Variants in NEK11 observed in about 807,000 individuals in gnomAD.
NEK11 encodes the protein NIMA related kinase 11.
NEK11 carries 72 observed loss-of-function variants against 80.7 expected under a neutral mutation model. The ratio of observed to expected loss-of-function variants is 0.89; its 90% CI spans 0.74 to 1.08. The LOEUF (loss-of-function observed/expected upper bound fraction) is 1.08. NEK11 is among the 50% of genes least tolerant of loss of function. NEK11 has a pLI of 0.00. For missense variants in NEK11, 764 were observed against 763.6 expected (o/e 1.00, Z -0.01); for synonymous variants, 251 against 260.7 (o/e 0.96, Z 0.36).
At chr3:131,146,625 G>T (rs1053953364) in intron 7 of NEK11, among the ~76,000 whole-genome samples, 1 of 152,096 alleles carries the variant, frequency 6.6e-6, no homozygotes, top group African/African-American at 2.4e-5. Flanking sequence ...TCAACTTGAT[G>T]ATTATATATT....
At chr3:131,065,014 C>T (rs2071636376) in intron 3 of NEK11, among the ~76,000 whole-genome samples, 1 of 152,184 alleles carries the variant, frequency 6.6e-6, no homozygotes, top group Admixed American at 6.5e-5. Context: ...GGCACAAAGG[C>T]ATGAAAACCC....
At chr3:131,045,877 T>A (rs908157596) in intron 3 of NEK11, among the ~76,000 whole-genome samples, 2 of 152,216 alleles carry the variant, frequency 1.3e-5, no homozygotes, top group African/African-American at 4.8e-5. Flanking sequence ...TTGTCCTTTT[T>A]AACTGCTGTT....
chr3:131,273,545 G>A lies in NEK11; in HGVS notation c.1689G>A (p.Met563Ile), dbSNP rs368836431. Residue 563 changes from methionine (M) to isoleucine (I), a missense_variant, in exon 17 of 18, where the codon ATG (methionine) becomes ATA (isoleucine). Met to Ile is a conservative substitution (Grantham distance 10). Coordinates refer to ENST00000383366, the MANE Select transcript of NEK11 (RefSeq NM_024800.5). ...SPGPPIFNSV[M>I]ARTKMKRMRE... ...GACCACCAATTTTCAACAGTGTGAT[G>A]GCCAGGACCAAGATGAAACGCATGA... 100 of 1,613,800 alleles carry A rather than the reference G, an allele frequency of 6.2e-5. No homozygotes were observed. The highest frequency in any genetic ancestry group is 7.6e-5 in the Non-Finnish European group (90 of 1,179,872).
intron 3 of NEK11, among the ~76,000 whole-genome samples, chr3:131,046,447 A>G (rs1006719939): frequency 1.3e-5 from 2 of 152,126 alleles, no homozygotes; most frequent in Non-Finnish European, 2.9e-5. Flanking sequence ...AGTCCCTTCT[A>G]GTAGGGTGTC....
chr3:131,043,660 G>T (rs1238619002), intron 3 of NEK11, among the ~76,000 whole-genome samples: 1 of 152,198 alleles, frequency 6.6e-6, no homozygotes, highest in Non-Finnish European at 1.5e-5. Context: ...TAAGGGACGG[G>T]GAGAATGGAA....
intron 14 of NEK11, among the ~76,000 whole-genome samples, chr3:131,180,070 C>T (rs1423797653): frequency 6.6e-6 from 1 of 152,140 alleles, no homozygotes; most frequent in Non-Finnish European, 1.5e-5. Flanking sequence ...CTATTTTATA[C>T]CACCACCATC....
rs57412173 is a variant in NEK11 at position 131,044,422 on chromosome 3, CA to C, written c.170+14565del. 2.6e-3 allele frequency among the ~76,000 whole-genome samples: 100 copies of C among 37,752 alleles called. No homozygotes were observed. In the South Asian group the frequency reaches 0.039, roughly 15 times the overall value. The allele number at this position is 37,752 out of a possible 152,430, so 24.8% of individuals were successfully genotyped here. A position where few individuals can be genotyped will look rare whatever the true frequency, so the allele number is the denominator to read the frequency against. ...GACTATTTACCAAGCAAATGGAAAG[CA>C]AAAAAAAAAAAAAAAAAAAAGGTGG... On this transcript the variant is annotated intron_variant, in intron 3 of 17. Coordinates refer to ENST00000383366, the MANE Select transcript of NEK11 (RefSeq NM_024800.5).
chr3:131,140,858 TC>T (rs2086731179), intron 7 of NEK11, among the ~76,000 whole-genome samples: 1 of 152,106 alleles, frequency 6.6e-6, no homozygotes, highest in South Asian at 2.1e-4. Flanking sequence ...GACTTTGCCT[TC>T]TTTCTCCCAA....
chr3:131,043,801 A>C (rs577295968), intron 3 of NEK11, among the ~76,000 whole-genome samples: 1 of 152,326 alleles, frequency 6.6e-6, no homozygotes, highest in African/African-American at 2.4e-5. Flanking sequence ...CAACCCCAAG[A>C]CACATAATCG....
chr3:131,313,411 G>A (rs1206017630), intron 17 of NEK11, among the ~76,000 whole-genome samples: 1 of 152,112 alleles, frequency 6.6e-6, no homozygotes, highest in Non-Finnish European at 1.5e-5. Flanking sequence ...TTTCCACAAT[G>A]GTTAAACTAA....
chr3:131,031,800 G>C (rs1374324800), intron 3 of NEK11, among the ~76,000 whole-genome samples: 1 of 152,080 alleles, frequency 6.6e-6, no homozygotes, highest in Non-Finnish European at 1.5e-5. Context: ...CCAGTGGTGA[G>C]GATAACGGAC....
chr3:131,281,037 C>T (rs560997327), intron 17 of NEK11, among the ~76,000 whole-genome samples: 1 of 152,382 alleles, frequency 6.6e-6, no homozygotes, highest in South Asian at 2.1e-4. Flanking sequence ...TTCCCTCTCT[C>T]AGCTCAGTAA....
chr3:131,158,811 G>T (rs536483588), intron 10 of NEK11, among the ~76,000 whole-genome samples: 2 of 152,150 alleles, frequency 1.3e-5, no homozygotes, highest in African/African-American at 4.8e-5. Flanking sequence ...CACCACTGCC[G>T]CTGCTGGCAC....
intron 17 of NEK11, among the ~76,000 whole-genome samples, chr3:131,316,753 A>C (rs1204060249): frequency 1.3e-5 from 2 of 152,200 alleles, no homozygotes; most frequent in Admixed American, 6.5e-5. Context: ...TGTCTGGCTT[A>C]GATCAGAGAG....
At chr3:131,152,317 G>C in intron 7 of NEK11, 71 bp from the exon 8 acceptor site, 2 of 1,388,742 alleles carry the variant, frequency 1.4e-6, no homozygotes, top group Non-Finnish European at 2.0e-6. Context: ...ACACATCTGA[G>C]GTTTTGTATG....
intron 4 of NEK11, among the ~76,000 whole-genome samples, chr3:131,091,696 T>C (rs765602766): frequency 6.6e-6 from 1 of 152,222 alleles, no homozygotes; most frequent in Non-Finnish European, 1.5e-5. Flanking sequence ...CTGAAAGGAA[T>C]GCTATTTTAA....
intron 3 of NEK11, among the ~76,000 whole-genome samples, chr3:131,063,093 C>T (rs1022481189): frequency 1.3e-5 from 2 of 152,176 alleles, no homozygotes; most frequent in African/African-American, 2.4e-5. Flanking sequence ...GGCACAATCA[C>T]TGCTCACTGC....
chr3:131,311,789 T>C (rs1299786148), intron 17 of NEK11, among the ~76,000 whole-genome samples: 6 of 152,204 alleles, frequency 3.9e-5, no homozygotes, highest in Non-Finnish European at 8.8e-5. Context: ...CAAATATTTG[T>C]TGTATGCAAA....
At chr3:131,115,924 T>G (rs2080997574) in intron 5 of NEK11, among the ~76,000 whole-genome samples, 1 of 104,654 alleles carries the variant, frequency 9.6e-6, no homozygotes, top group Non-Finnish European at 2.0e-5. Context: ...CTTTCTTTCT[T>G]TCTTTCTTTC....
Sources: allele counts gnomAD v4.1 joint callset (sites outside exome capture counted in the v4.1 genomes callset), GRCh38; gene constraint gnomAD v4.1.1; transcripts MANE v1.5; gene names NCBI Gene and HGNC (gene_info 2026-07-23, HGNC 2026-07-21).